The following ZNF385D variants were observed in gnomAD, a reference collection of about 807,000 sequenced individuals.
ZNF385D encodes zinc finger protein 659.
In ZNF385D, 15 loss-of-function variants were observed where a neutral mutation model predicts 35.8. The observed-to-expected ratio is 0.42, with a 90% CI of 0.28 to 0.64. The LOEUF (loss-of-function observed/expected upper bound fraction) is 0.64, where lower values mean the gene tolerates loss of function less well. Ranked by LOEUF, ZNF385D falls within the 30% of genes least tolerant of loss-of-function variation. The pLI, the probability that ZNF385D is intolerant of heterozygous loss-of-function variation, is 0.23. For missense variants in ZNF385D, 474 were observed against 494.6 expected, an observed-to-expected ratio of 0.96 and a Z score of 0.39; for synonymous variants, 212 against 186.8, an observed-to-expected ratio of 1.13 and a Z score of -1.10.
rs1413001377 is a variant in ZNF385D at position 21,985,343 on chromosome 3, C to G, written c.325+183474G>C. On this transcript the variant is annotated intron_variant, in intron 3 of 5. Coordinates refer to the ZNF385D transcript ENST00000494108. ...CTTATTATTTTGAAATACGTCCCATCAATACCTAATTTCTTGAGAGTTTTT... is the reference window on the plus strand; with the variant it reads ...CTTATTATTTTGAAATACGTCCCATGAATACCTAATTTCTTGAGAGTTTTT... 8.9e-5 allele frequency among the ~76,000 whole-genome samples: 10 copies of G among 112,432 alleles called. No individual in the cohort carries two copies. The East Asian group carries it at 2.0e-3, about 22-fold the overall frequency. The allele number at this position is 112,432 out of a possible 152,430, so 73.8% of individuals were successfully genotyped here.
chr3:22,248,719 T>G (rs1699916834), intron 2 of ZNF385D, among the ~76,000 whole-genome samples: 1 of 152,214 alleles, frequency 6.6e-6, no homozygotes, highest in South Asian at 2.1e-4. Flanking sequence ...GGCTGCAAAT[T>G]TTTTTACCAA....
intron 4 of ZNF385D, among the ~76,000 whole-genome samples, chr3:21,438,770 G>A (rs779196756): frequency 6.6e-6 from 1 of 152,078 alleles, no homozygotes; most frequent in Non-Finnish European, 1.5e-5. Flanking sequence ...AAATCATGCT[G>A]CAAATCTGTG....
chr3:21,547,539 G>A (rs537888960), intron 3 of ZNF385D, among the ~76,000 whole-genome samples: 43 of 151,986 alleles, frequency 2.8e-4, no homozygotes, highest in African/African-American at 9.9e-4. Flanking sequence ...CCAAAATAGC[G>A]CCTCCTGTTA....
At chr3:22,336,928 A>AAAAAAC (rs1695193310) in intron 2 of ZNF385D, among the ~76,000 whole-genome samples, 2 of 146,638 alleles carry the variant, frequency 1.4e-5, no homozygotes, top group Non-Finnish European at 3.0e-5. Context: ...AAAAAAAAAA[A>AAAAAAC]AAAAAAAAAC....
intron 4 of ZNF385D, among the ~76,000 whole-genome samples, chr3:21,455,977 A>G (rs1409355258): frequency 3.9e-5 from 6 of 152,240 alleles, no homozygotes; most frequent in Non-Finnish European, 7.3e-5. Flanking sequence ...CAAAAGACAC[A>G]TGAAAAAATG....
At chr3:22,194,690 T>C (rs1429986976) in intron 2 of ZNF385D, among the ~76,000 whole-genome samples, 1 of 151,938 alleles carries the variant, frequency 6.6e-6, no homozygotes, top group African/African-American at 2.4e-5. Flanking sequence ...ACCTGGCAAT[T>C]ACTAATCTGT....
chr3:21,788,872 C>G (rs2071807053), intron 3 of ZNF385D, among the ~76,000 whole-genome samples: 1 of 152,134 alleles, frequency 6.6e-6, no homozygotes, highest in Non-Finnish European at 1.5e-5. Context: ...CAATGAGACG[C>G]TGTGCTATAA....
intron 3 of ZNF385D, among the ~76,000 whole-genome samples, chr3:22,085,957 G>C (rs141514433): frequency 1.3e-5 from 2 of 151,770 alleles, no homozygotes; most frequent in African/African-American, 4.8e-5. Flanking sequence ...TAGAAACCAC[G>C]ATTATCTCAA....
intron 2 of ZNF385D, among the ~76,000 whole-genome samples, chr3:22,359,351 A>C (rs1338929098): frequency 2.6e-5 from 4 of 151,848 alleles, no homozygotes; most frequent in Admixed American, 6.6e-5. Flanking sequence ...CTCATAAAAG[A>C]AGAACAGATG....
At chr3:22,255,678 G>T (rs993759375) in intron 2 of ZNF385D, among the ~76,000 whole-genome samples, 1 of 151,556 alleles carries the variant, frequency 6.6e-6, no homozygotes, top group Admixed American at 6.6e-5. Context: ...AAAAATGCTA[G>T]CATTATCCAT....
intron 3 of ZNF385D, among the ~76,000 whole-genome samples, chr3:22,059,749 C>G (rs1248661228): frequency 6.6e-6 from 1 of 152,142 alleles, no homozygotes; most frequent in Non-Finnish European, 1.5e-5. Context: ...GGCCTAACCA[C>G]CCATAATAGA....
intron 3 of ZNF385D, among the ~76,000 whole-genome samples, chr3:21,789,933 C>T (rs891323480): frequency 6.6e-6 from 1 of 152,102 alleles, no homozygotes; most frequent in Admixed American, 6.6e-5. Context: ...ATGAAAAGCT[C>T]TTAACAGGAA....
At chr3:22,006,293 G>C (rs1456478931) in intron 3 of ZNF385D, among the ~76,000 whole-genome samples, 1 of 152,070 alleles carries the variant, frequency 6.6e-6, no homozygotes, top group East Asian at 1.9e-4. Context: ...TTACAAAAAA[G>C]TCAATTGCAA....
At chr3:21,596,399 T>G (rs1298086834) in intron 2 of ZNF385D, among the ~76,000 whole-genome samples, 5 of 152,192 alleles carry the variant, frequency 3.3e-5, no homozygotes, top group Non-Finnish European at 7.3e-5. Flanking sequence ...AGTCTCATTT[T>G]CAAATAGTCT....
At chr3:22,215,881 G>A (rs1166413965) in intron 2 of ZNF385D, among the ~76,000 whole-genome samples, 2 of 151,790 alleles carry the variant, frequency 1.3e-5, no homozygotes, top group African/African-American at 2.4e-5. Flanking sequence ...TCTCTCTTTT[G>A]TACTCTGTCC....
chr3:21,749,449 T>C (rs974604602), intron 1 of ZNF385D, among the ~76,000 whole-genome samples: 1 of 152,228 alleles, frequency 6.6e-6, no homozygotes, highest in Non-Finnish European at 1.5e-5. Context: ...TGTTTCATCA[T>C]CCTTCAGTAT....
chr3:21,728,795 A>AC (rs2068871972), intron 1 of ZNF385D, among the ~76,000 whole-genome samples: 1 of 152,146 alleles, frequency 6.6e-6, no homozygotes. Context: ...AAGCCGGCTC[A>AC]CCCCTACACA....
intron 3 of ZNF385D, among the ~76,000 whole-genome samples, chr3:21,817,265 T>C (rs1218648660): frequency 6.6e-6 from 1 of 152,186 alleles, no homozygotes; most frequent in Non-Finnish European, 1.5e-5. Flanking sequence ...ATTCAGGACA[T>C]AGGCATGGGC....
intron 5 of ZNF385D, among the ~76,000 whole-genome samples, chr3:21,436,152 T>G (rs1043866224): frequency 6.7e-6 from 1 of 149,754 alleles, no homozygotes; most frequent in Non-Finnish European, 1.5e-5. Context: ...TGTGTGTATG[T>G]GTGTGTGTGT....
Sources: allele counts gnomAD v4.1 joint callset (sites outside exome capture counted in the v4.1 genomes callset), GRCh38; gene constraint gnomAD v4.1.1; transcripts MANE v1.5; gene names NCBI Gene and HGNC (gene_info 2026-07-23, HGNC 2026-07-21).